Variants in ALK observed in about 807,000 individuals in gnomAD.
ALK encodes ALK tyrosine kinase receptor.
Under a neutral mutation model 163.1 loss-of-function variants are expected in ALK, and 74 were observed. The ratio of observed to expected loss-of-function variants is 0.45; its 90% CI spans 0.38 to 0.55. ALK has a LOEUF of 0.55. ALK is among the 20% of genes least tolerant of loss of function. The probability of loss-of-function intolerance (pLI) is 0.00; values close to 1 mark genes in which losing one functional copy is unlikely to be tolerated. For missense variants in ALK, 2,063 were observed against 2,105.3 expected (o/e 0.98, Z 0.39); for synonymous variants, 960 against 843.2 (o/e 1.14, Z -2.40).
At chr2:29,889,275 A>G (rs992724436) in intron 1 of ALK, among the ~76,000 whole-genome samples, 2 of 152,010 alleles carry the variant, frequency 1.3e-5, no homozygotes, top group Admixed American at 6.6e-5. Flanking sequence ...ATACACATAT[A>G]TATCATATAC....
intron 3 of ALK, among the ~76,000 whole-genome samples, chr2:29,682,012 A>G (rs1678085619): frequency 6.6e-6 from 1 of 152,154 alleles, no homozygotes; most frequent in Non-Finnish European, 1.5e-5. Context: ...TTGTCCTTAT[A>G]TATGTGTCAC....
intron 3 of ALK, among the ~76,000 whole-genome samples, chr2:29,692,405 G>T (rs953780181): frequency 6.6e-6 from 1 of 152,130 alleles, no homozygotes; most frequent in Non-Finnish European, 1.5e-5. Flanking sequence ...CAACCTTTTT[G>T]GCATCAAGGA....
At chr2:29,317,694 G>C (rs1445403234) in intron 8 of ALK, among the ~76,000 whole-genome samples, 1 of 152,150 alleles carries the variant, frequency 6.6e-6, no homozygotes, top group African/African-American at 2.4e-5. Flanking sequence ...AACCCGACTT[G>C]GACTCAGAAA....
In ALK at chr2:29,625,564, T is replaced by C. The variant is rs1353418149; in HGVS notation, c.952+69286A>G. On this transcript the variant is annotated intron_variant, in intron 3 of 28. Coordinates refer to ENST00000389048, the MANE Select transcript of ALK (RefSeq NM_004304.5). ...AACCAAGCAGTAAGTAGTGTAGACA[T>C]GTGTCCCTTAATGAAGGGGTTGCGT... Among the ~76,000 whole-genome samples, 4 of 152,164 alleles carry C rather than the reference T, an allele frequency of 2.6e-5. No homozygotes were observed. The East Asian group carries it at 7.7e-4, about 29-fold the overall frequency.
At chr2:29,369,663 G>A (rs1668595706) in intron 5 of ALK, among the ~76,000 whole-genome samples, 1 of 152,116 alleles carries the variant, frequency 6.6e-6, no homozygotes, top group Non-Finnish European at 1.5e-5. Context: ...GAAGAAAGTC[G>A]AGAAGTGAGA....
intron 3 of ALK, among the ~76,000 whole-genome samples, chr2:29,588,723 A>C (rs1222978955): frequency 2.0e-5 from 3 of 152,226 alleles, no homozygotes; most frequent in Non-Finnish European, 2.9e-5. Flanking sequence ...CACAGACAAT[A>C]TGTAAGCAAA....
intron 5 of ALK, among the ~76,000 whole-genome samples, chr2:29,346,227 T>G (rs139611450): frequency 6.6e-5 from 10 of 152,342 alleles, no homozygotes; most frequent in African/African-American, 2.2e-4. Context: ...TCATGTCCAC[T>G]ATCTCATTAG....
intron 1 of ALK, among the ~76,000 whole-genome samples, chr2:29,754,688 T>C (rs1680463825): frequency 6.6e-6 from 1 of 151,646 alleles, no homozygotes. Context: ...AGACCCTGTC[T>C]CAAAATAATA....
In ALK at chr2:29,239,791, C is replaced by CTTCCCGCCT; in HGVS notation, c.2235_2243dup (p.Gly746_Lys748dup). On this transcript the variant is annotated inframe_insertion, in exon 13 of 29. Coordinates refer to ENST00000389048, the MANE Select transcript of ALK (RefSeq NM_004304.5). ...CGCCGTGGGACCGCATCATGGTGTT[C>CTTCCCGCCT]TTCCCGCCTTTCCCGCCAGCAGCTC... 6.2e-7 allele frequency: 1 copy of CTTCCCGCCT among 1,613,914 alleles called. No individual in the cohort carries two copies. The highest frequency in any genetic ancestry group is 8.5e-7 in the Non-Finnish European group (1 of 1,179,968).
intron 1 of ALK, among the ~76,000 whole-genome samples, chr2:29,822,710 T>C (rs1276291498): frequency 6.6e-6 from 1 of 152,194 alleles, no homozygotes. Context: ...TCCTTGGGGA[T>C]GCAGCAAGGG....
intron 4 of ALK, among the ~76,000 whole-genome samples, chr2:29,399,787 G>A (rs1241152604): frequency 6.6e-6 from 1 of 152,188 alleles, no homozygotes; most frequent in African/African-American, 2.4e-5. Context: ...CCGGACCTGG[G>A]AGTCTCCTTC....
At position 29,804,508 on chromosome 2, in the gene ALK, G is replaced by A. The variant is rs1284995102; in HGVS notation, c.668-86811C>T. 2.6e-5 allele frequency among the ~76,000 whole-genome samples: 4 copies of A among 152,348 alleles called. No homozygotes were observed. The East Asian group carries it at 7.7e-4, about 29-fold the overall frequency. ...AAGTAAGGCAGGCCAGGAAGACTGT[G>A]TGCCTTCAGCAGATATGGCAACACA... is the stretch of plus-strand genomic sequence containing the variant. On this transcript the variant is annotated intron_variant, in intron 1 of 28. Transcript: ENST00000389048.
intron 9 of ALK, among the ~76,000 whole-genome samples, chr2:29,278,047 C>T (rs755113413): frequency 5.9e-5 from 9 of 152,032 alleles, no homozygotes; most frequent in East Asian, 5.8e-4. Flanking sequence ...CAGCAGTGTG[C>T]GAGCTCAGAG....
At chr2:29,404,207 G>A (rs1164935707) in intron 4 of ALK, among the ~76,000 whole-genome samples, 1 of 151,782 alleles carries the variant, frequency 6.6e-6, no homozygotes, top group Non-Finnish European at 1.5e-5. Context: ...GGAAGGTGGA[G>A]GTGGGAGAAT....
intron 3 of ALK, among the ~76,000 whole-genome samples, chr2:29,649,322 T>C (rs80129008): frequency 0.014 from 2,143 of 151,912 alleles, 51 homozygotes; most frequent in African/African-American, 0.048. Flanking sequence ...TCTGAGACCC[T>C]CACCCCACCT....
At chr2:29,817,976 T>C (rs998619825) in intron 1 of ALK, among the ~76,000 whole-genome samples, 1 of 152,180 alleles carries the variant, frequency 6.6e-6, no homozygotes, top group Non-Finnish European at 1.5e-5. Context: ...CCAGTCCTCA[T>C]CAGGCCTGTG....
At chr2:29,770,949 A>C (rs1396734011) in intron 1 of ALK, among the ~76,000 whole-genome samples, 1 of 152,014 alleles carries the variant, frequency 6.6e-6, no homozygotes, top group East Asian at 1.9e-4. Context: ...AGACACACAG[A>C]AACACACACA....
At chr2:29,361,788 A>G (rs774969606) in intron 5 of ALK, among the ~76,000 whole-genome samples, 3 of 152,210 alleles carry the variant, frequency 2.0e-5, no homozygotes, top group Non-Finnish European at 1.5e-5. Context: ...ATTGTGGCCT[A>G]TATCTACAAC....
At chr2:29,233,480 G>A in intron 14 of ALK, 85 bp downstream of exon 14, 1 of 1,582,752 alleles carries the variant, frequency 6.3e-7, no homozygotes, top group South Asian at 1.1e-5. Flanking sequence ...GAGCATCTGA[G>A]GTGTTTCTAT....
Sources: gnomAD v4.1 joint callset for allele counts (sites outside exome capture counted in the v4.1 genomes callset) on GRCh38, gnomAD v4.1.1 for gene constraint, MANE v1.5 for transcripts, NCBI Gene and HGNC (gene_info 2026-07-23, HGNC 2026-07-21) for gene names.